The following CNTNAP2 variants were observed in gnomAD, a reference collection of about 807,000 sequenced individuals.
The protein encoded by CNTNAP2 is contactin-associated protein-like 2.
CNTNAP2 carries 98 observed loss-of-function variants against 155.2 expected under a neutral mutation model. The ratio of observed to expected loss-of-function variants is 0.63; its 90% confidence interval spans 0.54 to 0.75. The LOEUF (loss-of-function observed/expected upper bound fraction) is 0.75. CNTNAP2 is among the 30% of genes least tolerant of loss of function. The pLI, the probability that CNTNAP2 is intolerant of heterozygous loss-of-function variation, is 0.00. For synonymous variants in CNTNAP2, 651 were observed against 631.2 expected, an observed-to-expected ratio of 1.03 and a Z score of -0.47; for missense variants, 1,727 against 1,688.1, an observed-to-expected ratio of 1.02 and a Z score of -0.40.
chr7:146,627,625 G>A (rs1429619371), intron 1 of CNTNAP2, among the ~76,000 whole-genome samples: 39 of 151,958 alleles, frequency 2.6e-4, no homozygotes, highest in Admixed American at 2.6e-3. Flanking sequence ...TTAACTCAGG[G>A]AACTTAAAAC....
intron 8 of CNTNAP2, among the ~76,000 whole-genome samples, chr7:147,247,917 TTAAAAG>T (rs1205819126): frequency 1.3e-5 from 2 of 152,066 alleles, no homozygotes; most frequent in African/African-American, 4.8e-5. Context: ...TATAGAAATT[TTAAAAG>T]GAAAAGGAAA....
chr7:146,309,994 G>A (rs1800791827), intron 1 of CNTNAP2, among the ~76,000 whole-genome samples: 1 of 152,150 alleles, frequency 6.6e-6, no homozygotes, highest in African/African-American at 2.4e-5. Context: ...CATAGAGTTA[G>A]TGCAAATATG....
At chr7:148,020,356 G>A (rs544106362) in intron 15 of CNTNAP2, among the ~76,000 whole-genome samples, 93 of 152,288 alleles carry the variant, frequency 6.1e-4, no homozygotes, top group African/African-American at 2.1e-3. Flanking sequence ...ACTAGTCTCC[G>A]ATTAACTACA....
At chr7:146,657,432 C>T (rs1286126424) in intron 1 of CNTNAP2, among the ~76,000 whole-genome samples, 5 of 152,128 alleles carry the variant, frequency 3.3e-5, no homozygotes, top group Non-Finnish European at 7.4e-5. Flanking sequence ...TCTTTGCCTC[C>T]CTTCAGGTAC....
chr7:148,408,827 G>T (rs565769201), intron 22 of CNTNAP2, among the ~76,000 whole-genome samples: 2 of 152,238 alleles, frequency 1.3e-5, no homozygotes, highest in African/African-American at 4.8e-5. Flanking sequence ...GTTTATAATA[G>T]GGAAAGAAAT....
At chr7:147,223,720 A>G (rs986921575) in intron 8 of CNTNAP2, among the ~76,000 whole-genome samples, 2 of 152,142 alleles carry the variant, frequency 1.3e-5, no homozygotes, top group Non-Finnish European at 2.9e-5. Flanking sequence ...AGGCAGGCGG[A>G]TCATGAGGTC....
At chr7:147,673,942 T>A (rs1179050212) in intron 13 of CNTNAP2, among the ~76,000 whole-genome samples, 2 of 152,142 alleles carry the variant, frequency 1.3e-5, no homozygotes, top group Non-Finnish European at 2.9e-5. Flanking sequence ...AATTCAAGCT[T>A]TATAAGAAAA....
chr7:147,791,941 A>G (rs1374345715), intron 13 of CNTNAP2, among the ~76,000 whole-genome samples: 1 of 152,204 alleles, frequency 6.6e-6, no homozygotes, highest in African/African-American at 2.4e-5. Context: ...TTCCGGGCAT[A>G]GAGCGGCTTG....
At position 146,970,944 on chromosome 7, in the gene CNTNAP2, G is replaced by A. The variant is rs540680076; in HGVS notation, c.403-72963G>A. 4.1e-4 allele frequency among the ~76,000 whole-genome samples: 62 copies of A among 151,898 alleles called. No homozygotes were observed. In the South Asian group the frequency reaches 4.4e-3, roughly 11 times the overall value. On this transcript the variant is annotated intron_variant, in intron 3 of 23. Coordinates refer to ENST00000361727, the MANE Select transcript of CNTNAP2 (RefSeq NM_014141.6). ...GATGAAATTGGAAATCATCATTCTCGGTAAACTATAGCAATAACAAAAAAC... is the reference window on the plus strand; with the variant it reads ...GATGAAATTGGAAATCATCATTCTCAGTAAACTATAGCAATAACAAAAAAC...
At chr7:147,325,489 G>A (rs1356007623) in intron 9 of CNTNAP2, among the ~76,000 whole-genome samples, 1 of 152,114 alleles carries the variant, frequency 6.6e-6, no homozygotes, top group African/African-American at 2.4e-5. Context: ...ATATCTTGGT[G>A]GGAGGAAAGT....
intron 17 of CNTNAP2, among the ~76,000 whole-genome samples, chr7:148,165,332 A>G (rs1286175733): frequency 6.6e-6 from 1 of 152,106 alleles, no homozygotes; most frequent in Non-Finnish European, 1.5e-5. Context: ...ATTTAATGTT[A>G]AGTACTTCTT....
At position 147,525,574 on chromosome 7, in the gene CNTNAP2, T is replaced by C. The variant is rs375640108; in HGVS notation, c.1778-36564T>C. Among the ~76,000 whole-genome samples, 5 of 152,146 alleles carry C rather than the reference T, an allele frequency of 3.3e-5. No individual in the cohort carries two copies. In the East Asian group the frequency reaches 5.8e-4, roughly 18 times the overall value. On this transcript the variant is annotated intron_variant, in intron 11 of 23. Transcript: ENST00000361727. ...AGAATGGGCAGCAGATATAGTTGGA[T>C]GGGTAGGCAGAAGCTAGTGATAAAA...
At chr7:147,108,953 T>C (rs1322592967) in intron 5 of CNTNAP2, among the ~76,000 whole-genome samples, 1 of 152,152 alleles carries the variant, frequency 6.6e-6, no homozygotes, top group Non-Finnish European at 1.5e-5. Flanking sequence ...CCGCCGTGCA[T>C]AAATGCTGTG....
At chr7:146,263,411 C>G (rs544970104) in intron 1 of CNTNAP2, among the ~76,000 whole-genome samples, 7 of 152,294 alleles carry the variant, frequency 4.6e-5, no homozygotes, top group Non-Finnish European at 8.8e-5. Context: ...TCATTGTCTT[C>G]TCTTCTTCAA....
chr7:148,345,726 G>A (rs1798314999), intron 21 of CNTNAP2, among the ~76,000 whole-genome samples: 1 of 152,082 alleles, frequency 6.6e-6, no homozygotes, highest in South Asian at 2.1e-4. Flanking sequence ...GTGGGGCAGA[G>A]GCCAGCTCTT....
In CNTNAP2 at chr7:147,949,458, A is replaced by ATATATATATATATT. The variant is rs1433579404; in HGVS notation, c.2256-28403_2256-28402insATATATATATATTT. Among the ~76,000 whole-genome samples the ATATATATATATATT allele has an allele frequency of 5.8e-5, 8 of 137,408 alleles. No homozygotes were observed. The South Asian group carries it at 9.5e-4, about 16-fold the overall frequency. The allele number at this position is 137,408 out of a possible 152,430, so 90.1% of individuals were successfully genotyped here. A position where few individuals can be genotyped will look rare whatever the true frequency, so the allele number is the denominator to read the frequency against. On this transcript the variant is annotated intron_variant, in intron 14 of 23. Coordinates refer to ENST00000361727, the MANE Select transcript of CNTNAP2 (RefSeq NM_014141.6). ...ACTGTGTGTATATATATATATATAT[A>ATATATATATATATT]TTTTTTTTTTTTAGGTTTATTGCAG...
chr7:147,376,712 T>C (rs764698290), intron 9 of CNTNAP2, among the ~76,000 whole-genome samples: 1 of 151,966 alleles, frequency 6.6e-6, no homozygotes, highest in Non-Finnish European at 1.5e-5. Flanking sequence ...CAAACCATTA[T>C]TTCCTCTATT....
At chr7:147,709,981 A>G (rs1315728385) in intron 13 of CNTNAP2, among the ~76,000 whole-genome samples, 1 of 152,074 alleles carries the variant, frequency 6.6e-6, no homozygotes, top group East Asian at 1.9e-4. Context: ...AAGATGCCCA[A>G]AAGATCTGTC....
At chr7:147,754,192 G>A (rs913279524) in intron 13 of CNTNAP2, among the ~76,000 whole-genome samples, 4 of 152,118 alleles carry the variant, frequency 2.6e-5, no homozygotes, top group East Asian at 1.9e-4. Flanking sequence ...ACAAATTATC[G>A]CTCCATCATT....
Sources: allele counts gnomAD v4.1 joint callset (sites outside exome capture counted in the v4.1 genomes callset), GRCh38; gene constraint gnomAD v4.1.1; transcripts MANE v1.5; gene names NCBI Gene and HGNC (gene_info 2026-07-23, HGNC 2026-07-21).